The following SPATA6 variants were observed in gnomAD, a reference collection of about 807,000 sequenced individuals.
The protein encoded by SPATA6 is spermatogenesis-associated protein 6.
A neutral mutation model predicts 65.3 loss-of-function variants in SPATA6; 56 were observed. The observed-to-expected ratio is 0.86, with a 90% CI of 0.69 to 1.07. The LOEUF is 1.07. Among genes scored for constraint, SPATA6 ranks in the 50% least tolerant of loss-of-function variants. The pLI, the probability that SPATA6 is intolerant of heterozygous loss-of-function variation, is 0.00. For missense variants in SPATA6, 590 were observed against 594.8 expected (o/e 0.99, Z 0.08); for synonymous variants, 199 against 213.2 (o/e 0.93, Z 0.58).
chr1:48,422,898 T>C (rs1653482113), intron 3 of SPATA6, among the ~76,000 whole-genome samples: 1 of 152,136 alleles, frequency 6.6e-6, no homozygotes, highest in Non-Finnish European at 1.5e-5. Context: ...AAAAGATATT[T>C]ATAAGAATGC....
intron 9 of SPATA6, 97 bp from the exon 10 acceptor site, chr1:48,359,867 A>T: frequency 1.1e-6 from 1 of 893,538 alleles, no homozygotes; most frequent in Non-Finnish European, 1.6e-6. Context: ...AGTCATATGC[A>T]TGTGCACACA....
At chr1:48,354,596 A>G (rs1189040337) in intron 11 of SPATA6, among the ~76,000 whole-genome samples, 1 of 152,114 alleles carries the variant, frequency 6.6e-6, no homozygotes, top group Admixed American at 6.6e-5. Flanking sequence ...ACTGCCAGGT[A>G]AAACAGGATG....
chr1:48,302,311 A>G (rs1233291158), intron 12 of SPATA6, among the ~76,000 whole-genome samples: 2 of 152,170 alleles, frequency 1.3e-5, no homozygotes, highest in African/African-American at 4.8e-5. Flanking sequence ...TAGTGTACTC[A>G]TGGTTCAATA....
At chr1:48,438,434 T>C (rs1471021758) in intron 3 of SPATA6, among the ~76,000 whole-genome samples, 1 of 152,194 alleles carries the variant, frequency 6.6e-6, no homozygotes, top group Non-Finnish European at 1.5e-5. Context: ...TCAGGCTTTC[T>C]GGGAAAGAGC....
At chr1:48,425,017 T>TA in intron 3 of SPATA6, among the ~76,000 whole-genome samples, 1 of 152,206 alleles carries the variant, frequency 6.6e-6, no homozygotes, top group East Asian at 1.9e-4. Context: ...TGTCCACATT[T>TA]ACTTTGGTTA....
intron 11 of SPATA6, among the ~76,000 whole-genome samples, chr1:48,350,789 A>G (rs374649488): frequency 5.9e-5 from 9 of 151,884 alleles, no homozygotes; most frequent in African/African-American, 2.2e-4. Flanking sequence ...TTATTGCAAA[A>G]ATCTTAAAAT....
the SPATA6 span, among the ~76,000 whole-genome samples, chr1:48,278,174 T>C: frequency 1.3e-5 from 2 of 151,882 alleles, no homozygotes; most frequent in Non-Finnish European, 2.9e-5. Flanking sequence ...CACCAAAAAC[T>C]CATCTGTACA....
In SPATA6 at chr1:48,385,274, A is replaced by G. The variant is rs758698405; in HGVS notation, c.909+35T>C. The stretch of plus-strand genomic sequence containing the variant: ...AGACTCATGTTGTTGTCTGAAAGCC[A>G]GAACAATTATTATTCTACAATTCAT... On this transcript the variant is annotated intron_variant, in intron 9 of 12. Transcript: ENST00000371847. 5.1e-6 allele frequency: 8 copies of G among 1,568,122 alleles called. No homozygotes were observed. In the African/African-American group the frequency reaches 6.8e-5, roughly 13 times the overall value.
chr1:48,423,564 CT>C (rs781669150), intron 3 of SPATA6, among the ~76,000 whole-genome samples: 302 of 121,028 alleles, frequency 2.5e-3, no homozygotes, highest in African/African-American at 8.5e-3. Context: ...TTCTTTCTTT[CT>C]TTTTTTTTTT....
chr1:48,278,313 C>T, the SPATA6 span, among the ~76,000 whole-genome samples: 1 of 152,188 alleles, frequency 6.6e-6, no homozygotes, highest in African/African-American at 2.4e-5. Context: ...TCACCAGCAA[C>T]ACAACAAAGC....
intron 1 of SPATA6, among the ~76,000 whole-genome samples, chr1:48,455,631 C>T (rs911224985): frequency 6.6e-6 from 1 of 152,126 alleles, no homozygotes; most frequent in Admixed American, 6.5e-5. Context: ...CTGCCCATGT[C>T]GGCCTCCCAA....
intron 11 of SPATA6, among the ~76,000 whole-genome samples, chr1:48,350,391 T>C (rs1465480143): frequency 6.6e-6 from 1 of 151,694 alleles, no homozygotes; most frequent in Non-Finnish European, 1.5e-5. Flanking sequence ...CTTTTTTCTT[T>C]CTCTTAATAG....
rs776156078 is a variant in SPATA6 at position 48,471,962 on chromosome 1, C to G, written c.47G>C (p.Ser16Thr). 8.7e-6 allele frequency: 14 copies of G among 1,606,750 alleles called. No individual in the cohort carries two copies. The highest frequency in any genetic ancestry group is 4.5e-5 in the East Asian group (2 of 44,212). ...ALQCALALEI[S>T]SVTCPGVVLK... is the part of the protein sequence containing the mutation. ...GGAGGCGCTACCGGTACTCACTGAGCTGATCTCCAGCGCCAGGGCGCACTG... is the reference window on the plus strand; with the variant it reads ...GGAGGCGCTACCGGTACTCACTGAGGTGATCTCCAGCGCCAGGGCGCACTG... Residue 16 changes from serine (S) to threonine (T), a missense_variant, in exon 1 of 13, where the codon AGC becomes ACC. Coordinates refer to ENST00000371847, the MANE Select transcript of SPATA6 (RefSeq NM_019073.4).
At chr1:48,317,691 T>G (rs192329019) in intron 11 of SPATA6, among the ~76,000 whole-genome samples, 1 of 151,874 alleles carries the variant, frequency 6.6e-6, no homozygotes, top group Admixed American at 6.6e-5. Context: ...AATAAAAAAC[T>G]TAACACAAAG....
At chr1:48,471,054 G>T (rs1030975270) in intron 1 of SPATA6, among the ~76,000 whole-genome samples, 5 of 152,102 alleles carry the variant, frequency 3.3e-5, no homozygotes, top group Admixed American at 1.3e-4. Context: ...GGAATGAGAG[G>T]GTTCTCTAAA....
At position 48,330,087 on chromosome 1, in the gene SPATA6, T is replaced by C. The variant is rs374376403; in HGVS notation, c.1195-24209A>G. On this transcript the variant is annotated intron_variant, in intron 11 of 12. Transcript: ENST00000371847. ...GCAGTAACATTGCTCCACCACTGCA[T>C]GCCAGCCAGGCCTCAGCAGCAACTT... is the stretch of plus-strand genomic sequence containing the variant. 1.1e-4 allele frequency among the ~76,000 whole-genome samples: 16 copies of C among 152,320 alleles called. No individual in the cohort carries two copies. In the East Asian group the frequency reaches 1.9e-3, roughly 18 times the overall value.
In SPATA6 at chr1:48,428,814, T is replaced by TAG. The variant is rs1654105243; in HGVS notation, c.239-15664_239-15663insCT. Among the ~76,000 whole-genome samples the TAG allele has an allele frequency of 2.7e-5, 4 of 145,456 alleles. No individual in the cohort carries two copies. In the Admixed American group the frequency reaches 2.8e-4, roughly 10 times the overall value. On this transcript the variant is annotated intron_variant, in intron 3 of 12. Transcript: ENST00000371847. Reference sequence around the variant, plus strand: ...GTGTGTGTGTGTGTGTGTGTGTATATGTATATATATGTGTGTATATATATG... The same window carrying TAG: ...GTGTGTGTGTGTGTGTGTGTGTATATAGGTATATATATGTGTGTATATATATG...
At chr1:48,413,181 TAAAC>T (rs1306914947) in intron 3 of SPATA6, 30 bp from the exon 4 acceptor site, 3 of 1,310,638 alleles carry the variant, frequency 2.3e-6, no homozygotes, top group Non-Finnish European at 2.0e-6. Flanking sequence ...TTTCCTTAAA[TAAAC>T]AAATTAATAA....
chr1:48,398,181 T>C (rs139716132), intron 7 of SPATA6, among the ~76,000 whole-genome samples: 1 of 151,604 alleles, frequency 6.6e-6, no homozygotes, highest in Admixed American at 6.6e-5. Context: ...AAAATCAAAT[T>C]CTGTAGAAAT....
Sources: allele counts gnomAD v4.1 joint callset (sites outside exome capture counted in the v4.1 genomes callset), GRCh38; gene constraint gnomAD v4.1.1; transcripts MANE v1.5; gene names NCBI Gene and HGNC (gene_info 2026-07-23, HGNC 2026-07-21).